The following MYOF variants were observed in gnomAD, a reference collection of about 807,000 sequenced individuals.
MYOF encodes fer-1-like 3, myoferlin.
MYOF carries 244 observed loss-of-function variants against 284.2 expected under a neutral mutation model. That is an observed-to-expected ratio of 0.86 (90% CI 0.77 to 0.95). The LOEUF (loss-of-function observed/expected upper bound fraction) is 0.95, where lower values mean the gene tolerates loss of function less well. MYOF is among the 40% of genes least tolerant of loss of function. MYOF has a pLI of 0.00. For synonymous variants in MYOF, 904 were observed against 919.7 expected, an observed-to-expected ratio of 0.98 and a Z score of 0.31; for missense variants, 2,496 against 2,560.6, an observed-to-expected ratio of 0.97 and a Z score of 0.54.
intron 22 of MYOF, 126 bp downstream of exon 22, chr10:93,377,197 A>C: frequency 1.4e-6 from 1 of 710,692 alleles, no homozygotes; most frequent in East Asian, 2.7e-5. Context: ...CTTTTTACGA[A>C]GTTTGAATAA....
intron 46 of MYOF, 94 bp downstream of exon 46, chr10:93,325,732 G>A (rs1276831856): frequency 1.2e-5 from 17 of 1,386,040 alleles, no homozygotes; most frequent in Non-Finnish European, 1.5e-5. Flanking sequence ...GCATCTCAAA[G>A]TATTCAAAGA....
intron 1 of MYOF, among the ~76,000 whole-genome samples, chr10:93,463,397 T>A (rs1232059450): frequency 7.1e-6 from 1 of 141,692 alleles, no homozygotes; most frequent in Non-Finnish European, 1.5e-5. Context: ...TCTACAAATT[T>A]TTTTTTTTTT....
chr10:93,407,799 G>C (rs1847686299), intron 7 of MYOF, among the ~76,000 whole-genome samples: 1 of 151,290 alleles, frequency 6.6e-6, no homozygotes, highest in Admixed American at 6.6e-5. Flanking sequence ...GCCCCTGTGT[G>C]CTAATAACTG....
intron 31 of MYOF, among the ~76,000 whole-genome samples, chr10:93,354,719 C>G (rs1844717641): frequency 7.1e-6 from 1 of 141,046 alleles, no homozygotes; most frequent in African/African-American, 2.6e-5. Flanking sequence ...GATAGCAGAG[C>G]ATTATGATTC....
chr10:93,456,385 G>A (rs1268021951), intron 2 of MYOF, among the ~76,000 whole-genome samples: 1 of 152,186 alleles, frequency 6.6e-6, no homozygotes. Flanking sequence ...GTTTTCAAAA[G>A]TTTCCACATG....
chr10:93,361,284 C>T (rs767103294), intron 28 of MYOF, among the ~76,000 whole-genome samples, 168 bp downstream of exon 28: 2 of 152,138 alleles, frequency 1.3e-5, no homozygotes, highest in East Asian at 1.9e-4. Context: ...TCCTGCTGTG[C>T]GGCCTTGTTC....
At chr10:93,355,513 G>C (rs1383707626) in intron 31 of MYOF, 115 bp downstream of exon 31, 1 of 680,944 alleles carries the variant, frequency 1.5e-6, no homozygotes, top group Non-Finnish European at 2.4e-6. Context: ...TTGAACCTGG[G>C]AGGTTGCAGC....
intron 1 of MYOF, among the ~76,000 whole-genome samples, chr10:93,458,091 G>A (rs781303179): frequency 2.0e-5 from 3 of 151,946 alleles, no homozygotes; most frequent in Non-Finnish European, 4.4e-5. Context: ...GGTGGTGCAC[G>A]CCTGTAATCC....
intron 30 of MYOF, 124 bp downstream of exon 30, chr10:93,356,551 T>G (rs1420656565): frequency 5.7e-6 from 6 of 1,050,774 alleles, no homozygotes; most frequent in Non-Finnish European, 8.3e-6. Context: ...CTCAACCTGT[T>G]AATATTTGCC....
At chr10:93,392,139 G>C (rs1846723585) in intron 17 of MYOF, among the ~76,000 whole-genome samples, 1 of 152,192 alleles carries the variant, frequency 6.6e-6, no homozygotes, top group Non-Finnish European at 1.5e-5. Context: ...TAATGAAATA[G>C]ATTGTTTAAA....
intron 22 of MYOF, among the ~76,000 whole-genome samples, chr10:93,375,195 T>C (rs1845780499): frequency 6.6e-6 from 1 of 152,192 alleles, no homozygotes; most frequent in Non-Finnish European, 1.5e-5. Flanking sequence ...CCCAAAGCCA[T>C]TTTAGGCCTT....
chr10:93,360,965 A>C (rs1448390624), intron 28 of MYOF, among the ~76,000 whole-genome samples: 1 of 152,176 alleles, frequency 6.6e-6, no homozygotes, highest in East Asian at 1.9e-4. Context: ...GCACTTGTCC[A>C]TACACTTGCC....
chr10:93,453,109 A>T (rs1478990242), intron 2 of MYOF, among the ~76,000 whole-genome samples: 2 of 152,156 alleles, frequency 1.3e-5, no homozygotes, highest in African/African-American at 4.8e-5. Context: ...ACTTCTAAAA[A>T]AAAACAAGTT....
At chr10:93,433,145 G>A (rs897941756) in intron 3 of MYOF, among the ~76,000 whole-genome samples, 9 of 151,008 alleles carry the variant, frequency 6.0e-5, no homozygotes, top group African/African-American at 2.2e-4. Context: ...GAAATATTTA[G>A]AATGTTTTAT....
rs552833209 is a variant in MYOF at position 93,405,686 on chromosome 10, G to A, written c.730-1467C>T. Among the ~76,000 whole-genome samples the A allele has an allele frequency of 9.2e-5, 14 of 151,968 alleles. 1 individual carries two copies. The South Asian group carries it at 2.7e-3, about 29-fold the overall frequency. ...TTTGACAAGACTTGACACAGGTGATGTTGATTACTTCCATTATCTCACATG... is the reference window on the plus strand; with the variant it reads ...TTTGACAAGACTTGACACAGGTGATATTGATTACTTCCATTATCTCACATG... On this transcript the variant is annotated intron_variant, in intron 7 of 53. Coordinates refer to ENST00000359263, the MANE Select transcript of MYOF (RefSeq NM_013451.4).
chr10:93,378,693 G>GTGTGTGTATATATATA lies in MYOF; in HGVS notation c.2001+1169_2001+1170insTATATATATACACACA. ...TATGTGTGTGTGTATGTGTGTGTGT[G>GTGTGTGTATATATATA]TATATATATATATATATATATATGT... On this transcript the variant is annotated intron_variant, in intron 21 of 53. Coordinates refer to ENST00000359263, the MANE Select transcript of MYOF (RefSeq NM_013451.4). Among the ~76,000 whole-genome samples, 267 of 87,606 alleles carry GTGTGTGTATATATATA rather than the reference G, an allele frequency of 3.0e-3. 14 individuals carry two copies. In the East Asian group the frequency reaches 0.043, roughly 14 times the overall value. 57.5% of individuals were successfully genotyped at this position (87,606 alleles called of 152,430 possible). A position where few individuals can be genotyped will look rare whatever the true frequency, so the allele number is the denominator to read the frequency against.
At chr10:93,471,499 C>T (rs1008203546) in intron 1 of MYOF, among the ~76,000 whole-genome samples, 13 of 152,236 alleles carry the variant, frequency 8.5e-5, no homozygotes, top group South Asian at 4.1e-4. Context: ...TCAGTGAAGA[C>T]GCATGGACCA....
chr10:93,402,163 C>A, intron 11 of MYOF, 69 bp downstream of exon 11: 4 of 1,238,238 alleles, frequency 3.2e-6, no homozygotes, highest in African/African-American at 1.5e-5. Context: ...ATTACCCATG[C>A]CCACATGCTT....
At position 93,404,303 on chromosome 10, in the gene MYOF, C is replaced by T. The variant is rs12262755; in HGVS notation, c.730-84G>A. 0.054 allele frequency: 77,086 copies of T among 1,426,274 alleles called. 3,599 individuals are homozygous for T. The highest frequency in any genetic ancestry group is 0.24 in the African/African-American group (16,840 of 70,262). 88.4% of individuals were successfully genotyped at this position (1,426,274 alleles called of 1,614,324 possible). A position where few individuals can be genotyped will look rare whatever the true frequency, so the allele number is the denominator to read the frequency against. ...CTGATACTATAATTTTGGGGGCCCT[C>T]CTAAAAAATGCAAAACACAAATTCA... On this transcript the variant is annotated intron_variant, in intron 7 of 53. Coordinates refer to ENST00000359263, the MANE Select transcript of MYOF (RefSeq NM_013451.4).
Sources: allele counts gnomAD v4.1 joint callset (sites outside exome capture counted in the v4.1 genomes callset), GRCh38; gene constraint gnomAD v4.1.1; transcripts MANE v1.5; gene names NCBI Gene and HGNC (gene_info 2026-07-23, HGNC 2026-07-21).